MOB2: variants seen among roughly 807,000 people sequenced by gnomAD.
MOB2 encodes the protein MOB kinase activator 2, also known as MOB2 Mps One Binder homolog.
A neutral mutation model predicts 27.4 loss-of-function variants in MOB2; 14 were observed. That is an observed-to-expected ratio of 0.51 (90% CI 0.34 to 0.80). The LOEUF is 0.80. Among genes scored for constraint, MOB2 ranks in the 30% least tolerant of loss-of-function variants. The pLI is 0.01. For synonymous variants in MOB2, 167 were observed against 151.8 expected (o/e 1.10, Z -0.74); for missense variants, 304 against 354.6 (o/e 0.86, Z 1.15).
intron 3 of MOB2, among the ~76,000 whole-genome samples, chr11:1,474,789 C>T (rs1847834922): frequency 6.6e-6 from 1 of 152,272 alleles, no homozygotes; most frequent in Non-Finnish European, 1.5e-5. Flanking sequence ...CTGGACTCTA[C>T]TGTGTTCCAT....
intron 3 of MOB2, among the ~76,000 whole-genome samples, chr11:1,474,998 A>G (rs1411134326): frequency 2.6e-5 from 4 of 152,238 alleles, no homozygotes; most frequent in Non-Finnish European, 5.9e-5. Flanking sequence ...GACTGCACTA[A>G]ATCAACAGAT....
chr11:1,484,803 G>T (rs1847953433), intron 1 of MOB2, among the ~76,000 whole-genome samples: 1 of 152,146 alleles, frequency 6.6e-6, no homozygotes. Flanking sequence ...AAGGCCTCCG[G>T]AGCCCCTGTC....
Position 1,469,807 on chromosome 11 carries a change from T to TC in MOB2, c.*364dup, listed in dbSNP as rs780809284. ...AGACCCAGGTCTGCAAATCACACCC[T>TC]CCCCCCACGAGTTCCTCCTTTGAGG... is the stretch of plus-strand genomic sequence containing the variant. On this transcript the variant is annotated 3_prime_UTR_variant, in exon 5 of 5. Transcript: ENST00000329957. 2 of 517,516 alleles carry TC rather than the reference T, an allele frequency of 3.9e-6. No homozygotes were observed. The highest frequency in any genetic ancestry group is 1.5e-5 in the South Asian group (1 of 65,082). The allele number at this position is 517,516 out of a possible 1,614,324, so 32.1% of individuals were successfully genotyped here. A position where few individuals can be genotyped will look rare whatever the true frequency, so the allele number is the denominator to read the frequency against.
chr11:1,471,795 GCA>G (rs572051687), intron 3 of MOB2: 153 of 171,518 alleles, frequency 8.9e-4, no homozygotes, highest in African/African-American at 3.6e-3. Flanking sequence ...TATTTTGAAA[GCA>G]CACAGAGGCT....
intron 1 of MOB2, among the ~76,000 whole-genome samples, chr11:1,484,867 G>A (rs1206510826): frequency 6.6e-6 from 1 of 152,178 alleles, no homozygotes; most frequent in Non-Finnish European, 1.5e-5. Context: ...TGGAAGCTGT[G>A]GAGTGTGGCT....
intron 1 of MOB2, 90 bp downstream of exon 1, chr11:1,486,357 C>T: frequency 9.9e-7 from 1 of 1,009,556 alleles, no homozygotes; most frequent in South Asian, 1.5e-5. Context: ...CAGTCCGCCG[C>T]CTCCCCACCC....
intron 3 of MOB2, among the ~76,000 whole-genome samples, chr11:1,474,776 T>C (rs539050843): frequency 1.3e-5 from 2 of 152,356 alleles, no homozygotes; most frequent in East Asian, 1.9e-4. Context: ...TGTGGGGCTA[T>C]CTCTGGACTC....
At chr11:1,485,519 T>C (rs1847960325) in intron 1 of MOB2, among the ~76,000 whole-genome samples, 1 of 152,168 alleles carries the variant, frequency 6.6e-6, no homozygotes, top group African/African-American at 2.4e-5. Context: ...GGAAGGAGCC[T>C]ATGAAGAGAA....
chr11:1,483,302 G>A (rs944287864), intron 1 of MOB2, among the ~76,000 whole-genome samples: 2 of 152,224 alleles, frequency 1.3e-5, no homozygotes, highest in Non-Finnish European at 2.9e-5. Context: ...AGGACTGTGG[G>A]AGCAGGCCCC....
rs555645138 is a variant in MOB2 at position 1,469,812 on chromosome 11, C to A, written c.*360G>T. On this transcript the variant is annotated 3_prime_UTR_variant, in exon 5 of 5. Coordinates refer to ENST00000329957, the MANE Select transcript of MOB2 (RefSeq NM_001172223.3). ...CAGGTCTGCAAATCACACCCTCCCC[C>A]CACGAGTTCCTCCTTTGAGGCCAGC... 30 of 528,326 alleles carry A rather than the reference C, an allele frequency of 5.7e-5. 1 individual carries two copies. Among genetic ancestry groups the A allele is most frequent in the Middle Eastern group, 5.7e-4 (2 of 3,494 alleles). 32.7% of individuals were successfully genotyped at this position (528,326 alleles called of 1,614,324 possible).
chr11:1,483,389 C>T (rs921972545), intron 1 of MOB2, among the ~76,000 whole-genome samples: 36 of 152,232 alleles, frequency 2.4e-4, no homozygotes, highest in African/African-American at 8.0e-4. Flanking sequence ...ACAGGGCTTC[C>T]GTGACCACTT....
chr11:1,481,234 G>C, intron 1 of MOB2: 1 of 377,148 alleles, frequency 2.7e-6, no homozygotes, highest in South Asian at 2.2e-5. Context: ...CAGTTTTCCA[G>C]TGCTCTTGGA....
chr11:1,483,055 C>T (rs971757274), intron 1 of MOB2, among the ~76,000 whole-genome samples: 1 of 152,250 alleles, frequency 6.6e-6, no homozygotes, highest in African/African-American at 2.4e-5. Context: ...CGTCCTTAGT[C>T]ATTCTTGGCT....
rs757827070 is a variant in MOB2 at position 1,470,452 on chromosome 11, C to T, written c.527G>A (p.Arg176Lys). The T allele has an allele frequency of 1.2e-5, 19 of 1,613,364 alleles. No homozygotes were observed. The highest frequency in any genetic ancestry group is 1.5e-5 in the Non-Finnish European group (18 of 1,179,774). ...GTGGAACAGGTGTCTGCAGATCTTC[C>T]TCACCAGGGACTCAAAGGAGCTGGG... Reference protein sequence around the residue: ...EFPSSFESLVRKICRHLFHVL... With the variant: ...EFPSSFESLVKKICRHLFHVL... The change falls in exon 5 of 5, where the codon AGG becomes AAG. Residue 176 changes from arginine (R) to lysine (K), a missense_variant. Physicochemically the swap from Arg to Lys is conservative, Grantham distance 26. Transcript: ENST00000329957.
At chr11:1,470,830 C>T (rs1847779804) in intron 4 of MOB2, among the ~76,000 whole-genome samples, 1 of 152,206 alleles carries the variant, frequency 6.6e-6, no homozygotes, top group Non-Finnish European at 1.5e-5. Flanking sequence ...CCCTGATGGA[C>T]ACTTGGGGCC....
At chr11:1,485,706 C>T (rs1331257976) in intron 1 of MOB2, among the ~76,000 whole-genome samples, 2 of 152,102 alleles carry the variant, frequency 1.3e-5, no homozygotes, top group Non-Finnish European at 2.9e-5. Context: ...CCCACTCCCC[C>T]GGCCCCTCAT....
At chr11:1,484,750 G>A (rs1847952995) in intron 1 of MOB2, among the ~76,000 whole-genome samples, 2 of 152,236 alleles carry the variant, frequency 1.3e-5, no homozygotes, top group Middle Eastern at 3.4e-3. Flanking sequence ...CTCCCTGGGT[G>A]CTGATCCCAC....
At position 1,469,579 on chromosome 11, in the gene MOB2, C is replaced by CG. The variant is rs1847751255; in HGVS notation, c.*592_*593insC. 4.4e-6 allele frequency: 2 copies of CG among 456,718 alleles called. No individual in the cohort carries two copies. Among genetic ancestry groups the CG allele is most frequent in the African/African-American group, 2.0e-5 (1 of 50,094 alleles). The allele number at this position is 456,718 out of a possible 1,614,324, so 28.3% of individuals were successfully genotyped here. On this transcript the variant is annotated 3_prime_UTR_variant, in exon 5 of 5. Coordinates refer to ENST00000329957, the MANE Select transcript of MOB2 (RefSeq NM_001172223.3). Reference sequence around the variant, plus strand: ...GCCCCGTCCTGGCCTTGCCTGAGGACTGCACCATGGGTGTTCCTTGGGCAT... The same window carrying CG: ...GCCCCGTCCTGGCCTTGCCTGAGGACGTGCACCATGGGTGTTCCTTGGGCAT...
chr11:1,470,630 A>G, intron 4 of MOB2, 142 bp from the exon 5 acceptor site: 1 of 979,330 alleles, frequency 1.0e-6, no homozygotes, highest in Non-Finnish European at 1.5e-6. Flanking sequence ...AAGCCCCAGC[A>G]GCAACAGCTT....
Sources: gnomAD v4.1 joint callset for allele counts (sites outside exome capture counted in the v4.1 genomes callset) on GRCh38, gnomAD v4.1.1 for gene constraint, MANE v1.5 for transcripts, NCBI Gene and HGNC (gene_info 2026-07-23, HGNC 2026-07-21) for gene names.